Variants in ABCC4 observed in about 807,000 individuals in gnomAD.
ABCC4 encodes the protein ATP binding cassette subfamily C member 4 (PEL blood group), also known as ATP-binding cassette sub-family C member 4.
Under a neutral mutation model 168.5 loss-of-function variants are expected in ABCC4, and 102 were observed. The ratio of observed to expected loss-of-function variants is 0.61; its 90% CI spans 0.52 to 0.71. The LOEUF is 0.71. ABCC4 is among the 30% of genes least tolerant of loss of function. ABCC4 has a pLI of 0.00. For missense variants in ABCC4, 1,402 were observed against 1,605.8 expected, an observed-to-expected ratio of 0.87 and a Z score of 2.17; for synonymous variants, 617 against 590.7, an observed-to-expected ratio of 1.04 and a Z score of -0.65.
chr13:95,097,215 A>AAAAAT (rs3046393), intron 20 of ABCC4, among the ~76,000 whole-genome samples: 143,513 of 151,824 alleles, frequency 0.95, 67,954 homozygotes, highest in Non-Finnish European at 0.96. Context: ...ATGTGATAGA[A>AAAAAT]AAAATAAGAA....
At chr13:95,185,948 C>T (rs987407002) in intron 11 of ABCC4, among the ~76,000 whole-genome samples, 2 of 151,896 alleles carry the variant, frequency 1.3e-5, no homozygotes, top group African/African-American at 2.4e-5. Context: ...AAAAACCACC[C>T]GTACCCCAAA....
intron 20 of ABCC4, among the ~76,000 whole-genome samples, chr13:95,099,137 C>T (rs1367812716): frequency 6.6e-6 from 1 of 151,982 alleles, no homozygotes; most frequent in Non-Finnish European, 1.5e-5. Flanking sequence ...AGAGAGTAGA[C>T]AAATAAATGT....
At chr13:95,104,377 G>A (rs1426352699) in intron 20 of ABCC4, among the ~76,000 whole-genome samples, 1 of 152,190 alleles carries the variant, frequency 6.6e-6, no homozygotes, top group Admixed American at 6.5e-5. Flanking sequence ...GCCTCCCAAA[G>A]TGCTGAGATT....
intron 10 of ABCC4, 103 bp downstream of exon 10, chr13:95,188,350 T>C: frequency 9.8e-7 from 1 of 1,018,700 alleles, no homozygotes; most frequent in Non-Finnish European, 1.6e-6. Flanking sequence ...GTGCCAAGTG[T>C]ACCCAGTTCA....
At chr13:95,058,143 A>G (rs1020424654) in intron 26 of ABCC4, among the ~76,000 whole-genome samples, 2 of 152,200 alleles carry the variant, frequency 1.3e-5, no homozygotes, top group Admixed American at 6.5e-5. Context: ...GGTTTTGGAA[A>G]AAATAAAAAT....
intron 29 of ABCC4, among the ~76,000 whole-genome samples, chr13:95,039,380 CA>C (rs1357697269): frequency 1.4e-4 from 22 of 152,122 alleles, no homozygotes; most frequent in Non-Finnish European, 2.1e-4. Context: ...TCTTTTACAA[CA>C]AAATAAAGTG....
At chr13:95,146,439 C>T (rs2036497701) in intron 19 of ABCC4, among the ~76,000 whole-genome samples, 1 of 152,132 alleles carries the variant, frequency 6.6e-6, no homozygotes, top group African/African-American at 2.4e-5. Context: ...CAGGAAAATA[C>T]CCAGACAGAA....
At chr13:95,079,825 G>A (rs940645163) in intron 21 of ABCC4, among the ~76,000 whole-genome samples, 5 of 151,978 alleles carry the variant, frequency 3.3e-5, no homozygotes, top group Non-Finnish European at 7.4e-5. Flanking sequence ...AACAGAGTGA[G>A]ACTATGTCTC....
chr13:95,031,667 G>A (rs969420043), intron 30 of ABCC4, among the ~76,000 whole-genome samples: 2 of 152,166 alleles, frequency 1.3e-5, no homozygotes, highest in Non-Finnish European at 2.9e-5. Flanking sequence ...TCAATTCTAT[G>A]ACCAATGTCC....
chr13:95,266,961 C>A (rs988987477), intron 1 of ABCC4, among the ~76,000 whole-genome samples: 5 of 151,372 alleles, frequency 3.3e-5, no homozygotes, highest in African/African-American at 1.2e-4. Context: ...CCTCCACCTC[C>A]CAGGTTCAAG....
intron 4 of ABCC4, among the ~76,000 whole-genome samples, chr13:95,217,887 C>T (rs1240427836): frequency 1.3e-5 from 2 of 152,140 alleles, no homozygotes; most frequent in East Asian, 1.9e-4. Context: ...CCACACTTTT[C>T]GGATTCGGGT....
At chr13:95,196,580 A>AGGAGGGAG (rs1566515153) in intron 8 of ABCC4, among the ~76,000 whole-genome samples, 43 of 101,192 alleles carry the variant, frequency 4.2e-4, no homozygotes, top group African/African-American at 1.4e-3. Context: ...AAAGGAGGAA[A>AGGAGGGAG]GGAGGAAGGA....
At chr13:95,049,023 C>G (rs549157141) in intron 27 of ABCC4, among the ~76,000 whole-genome samples, 1 of 152,268 alleles carries the variant, frequency 6.6e-6, no homozygotes, top group South Asian at 2.1e-4. Flanking sequence ...CGATAACTTT[C>G]AGCATTAGAA....
At chr13:95,248,855 C>T (rs895035022) in intron 1 of ABCC4, among the ~76,000 whole-genome samples, 5 of 152,132 alleles carry the variant, frequency 3.3e-5, no homozygotes, top group South Asian at 4.2e-4. Flanking sequence ...GAGACCAGCC[C>T]GGCAAAACCC....
rs202117755 is a variant in ABCC4 at position 95,300,218 on chromosome 13, C to CCCT, written c.74+1020_74+1022dup. Reference sequence around the variant, plus strand: ...TGCACAAAATGGGTAGGGCTGTGGGCCCTCCCAGCTCAGGAGCCCTGGGGT... The same window carrying CCCT: ...TGCACAAAATGGGTAGGGCTGTGGGCCCTCCTCCCAGCTCAGGAGCCCTGGGGT... On this transcript the variant is annotated intron_variant, in intron 1 of 30. Transcript: ENST00000645237. Among the ~76,000 whole-genome samples the CCCT allele has an allele frequency of 3.6e-3, 547 of 152,264 alleles. 12 individuals are homozygous for CCCT. Among genetic ancestry groups the CCCT allele is most frequent in the East Asian group, 0.035 (182 of 5,170 alleles).
At chr13:95,146,700 T>C (rs1225595020) in intron 19 of ABCC4, among the ~76,000 whole-genome samples, 1 of 152,208 alleles carries the variant, frequency 6.6e-6, no homozygotes, top group Non-Finnish European at 1.5e-5. Context: ...GCAGAGAGAC[T>C]GCAACAGATT....
chr13:95,127,952 C>G (rs771139964), intron 19 of ABCC4, among the ~76,000 whole-genome samples: 3 of 152,086 alleles, frequency 2.0e-5, no homozygotes, highest in Non-Finnish European at 4.4e-5. Context: ...AAAAGCTTTA[C>G]AAATTTATGC....
chr13:95,042,917 C>T (rs575136789), intron 29 of ABCC4, among the ~76,000 whole-genome samples: 12 of 152,300 alleles, frequency 7.9e-5, no homozygotes, highest in Non-Finnish European at 1.3e-4. Context: ...CTACAGGCGC[C>T]TGCCACCACA....
intron 19 of ABCC4, among the ~76,000 whole-genome samples, chr13:95,146,720 T>A (rs2036511752): frequency 6.6e-6 from 1 of 152,206 alleles, no homozygotes; most frequent in South Asian, 2.1e-4. Context: ...TTCTTGTTGC[T>A]TTGTTGCTAC....
Sources: gnomAD v4.1 joint callset for allele counts (sites outside exome capture counted in the v4.1 genomes callset) on GRCh38, gnomAD v4.1.1 for gene constraint, MANE v1.5 for transcripts, NCBI Gene and HGNC (gene_info 2026-07-23, HGNC 2026-07-21) for gene names.